PRR36: variants seen among roughly 807,000 people sequenced by gnomAD.
The protein encoded by PRR36 is proline rich 36, also known as proline-rich protein 36.
PRR36 carries 30 observed loss-of-function variants against 58.6 expected under a neutral mutation model. The observed-to-expected ratio is 0.51, with a 90% CI of 0.38 to 0.69. The LOEUF (loss-of-function observed/expected upper bound fraction) is 0.69, where lower values mean the gene tolerates loss of function less well. Ranked by LOEUF, PRR36 falls within the 30% of genes least tolerant of loss-of-function variation. The probability of loss-of-function intolerance (pLI) is 0.00; values close to 1 mark genes in which losing one functional copy is unlikely to be tolerated. For synonymous variants in PRR36, 771 were observed against 829.3 expected, an observed-to-expected ratio of 0.93 and a Z score of 1.21; for missense variants, 1,692 against 1,805.6, an observed-to-expected ratio of 0.94 and a Z score of 1.14.
In PRR36 at chr19:7,873,723, C is replaced by T. The variant is rs1980579999; in HGVS notation, c.-7-27G>A. 3 of 1,528,654 alleles carry T rather than the reference C, an allele frequency of 2.0e-6. No homozygotes were observed. Among genetic ancestry groups the T allele is most frequent in the Non-Finnish European group, 2.6e-6 (3 of 1,143,118 alleles). The allele number at this position is 1,528,654 out of a possible 1,614,324, so 94.7% of individuals were successfully genotyped here. A position where few individuals can be genotyped will look rare whatever the true frequency, so the allele number is the denominator to read the frequency against. On this transcript the variant is annotated intron_variant, in intron 1 of 5. Transcript: ENST00000618550. This position sits in a 1 kb window ranked among gnomAD's most constrained non-coding sequence, Gnocchi z 5.0. ...TGAAGAGACAAACCGGTCCGCATCCCAGGTTCTGGACAGCTACGCCGCCTC... is the reference window on the plus strand; with the variant it reads ...TGAAGAGACAAACCGGTCCGCATCCTAGGTTCTGGACAGCTACGCCGCCTC...
rs1489438993 is a variant in PRR36, at chr19:7,873,520, G to T, written c.170C>A (p.Pro57His). 1.3e-6 allele frequency: 2 copies of T among 1,535,444 alleles called. No homozygotes were observed. The highest frequency in any genetic ancestry group is 1.7e-6 in the Non-Finnish European group (2 of 1,146,826). ...GATGCCCCCCGCTCGCTCTGCCAGA[G>T]GCTTTCGCCCCACTGCTCCCGCAGC... Reference protein sequence around the residue: ...LGAAGAVGRKPLAERAGGIGG... With the variant: ...LGAAGAVGRKHLAERAGGIGG... Residue 57 changes from proline to histidine, a missense_variant, in exon 2 of 6, where the codon CCT becomes CAT. By Grantham distance (77) the Pro-to-His change is moderately conservative. Around this residue, in one of 5 missense-constraint regions of PRR36, gnomAD observed 975 missense variants for 955.2 expected, o/e 1.02. Coordinates refer to ENST00000618550, the MANE Select transcript of PRR36 (RefSeq NM_001190467.2). The surrounding 1 kb of genome is among the most constrained non-coding windows in gnomAD (Gnocchi z 5.0).
chr19:7,873,307 G>C lies in PRR36; in HGVS notation c.272-8C>G, dbSNP rs766922514. On this transcript the variant is annotated splice_region_variant and splice_polypyrimidine_tract_variant and intron_variant, in intron 2 of 5. Transcript: ENST00000618550. The surrounding 1 kb of genome is among the most constrained non-coding windows in gnomAD (Gnocchi z 5.0). The stretch of plus-strand genomic sequence containing the variant: ...AGGCTGGGGGCCTGGAGGCTGCGGG[G>C]AGAAGGCCGAGTCACAGGTGCCCCG... 2.0e-6 allele frequency: 3 copies of C among 1,530,328 alleles called. No individual in the cohort carries two copies. The South Asian group carries it at 3.6e-5, about 18-fold the overall frequency. The allele number at this position is 1,530,328 out of a possible 1,614,324, so 94.8% of individuals were successfully genotyped here.
chr19:7,869,549 G>T lies in PRR36; in HGVS notation c.3530-5C>A. Reference sequence around the variant, plus strand: ...GAGGCCACGGCAGGGGCGCACCTGCGGGGAGAGACGCCAGGTGGGCCGTGG... The same window carrying T: ...GAGGCCACGGCAGGGGCGCACCTGCTGGGAGAGACGCCAGGTGGGCCGTGG... On this transcript the variant is annotated splice_polypyrimidine_tract_variant and splice_region_variant and intron_variant, in intron 5 of 5. Transcript: ENST00000618550. The T allele has an allele frequency of 1.3e-6, 2 of 1,516,932 alleles. No homozygotes were observed. Among genetic ancestry groups the T allele is most frequent in the Non-Finnish European group, 1.8e-6 (2 of 1,138,608 alleles). The allele number at this position is 1,516,932 out of a possible 1,614,324, so 94.0% of individuals were successfully genotyped here. A position where few individuals can be genotyped will look rare whatever the true frequency, so the allele number is the denominator to read the frequency against.
chr19:7,871,161 C>T lies in PRR36; in HGVS notation c.2083G>A (p.Ala695Thr). Residue 695 changes from alanine (A) to threonine (T), a missense_variant, in exon 5 of 6, where the codon GCC becomes ACC. Ala to Thr is a moderately conservative substitution (Grantham distance 58). Coordinates refer to ENST00000618550, the MANE Select transcript of PRR36 (RefSeq NM_001190467.2). The part of the protein sequence containing the change: ...IHPLQALSSL[A>T]SHSPQAPLSS... ...AGAGGTGCCTGAGGAGAGTGGGAGGCCAGAGAAGATAGCGCCTGCAGAGGG... is the reference window on the plus strand; with the variant it reads ...AGAGGTGCCTGAGGAGAGTGGGAGGTCAGAGAAGATAGCGCCTGCAGAGGG... The T allele has an allele frequency of 6.5e-7, 1 of 1,533,086 alleles. No homozygotes were observed. Among genetic ancestry groups the T allele is most frequent in the Non-Finnish European group, 8.7e-7 (1 of 1,146,266 alleles). The allele number at this position is 1,533,086 out of a possible 1,614,324, so 95.0% of individuals were successfully genotyped here.
At position 7,872,803 on chromosome 19, in the gene PRR36, G is replaced by C. The variant is rs1168081489; in HGVS notation, c.487+46C>G. Reference sequence around the variant, plus strand: ...AAGGGTCACCGATACCTCTGAGGCGGCTCCCCTTGCTGCCCAGGAACCCCA... The same window carrying C: ...AAGGGTCACCGATACCTCTGAGGCGCCTCCCCTTGCTGCCCAGGAACCCCA... On this transcript the variant is annotated intron_variant, in intron 4 of 5. Coordinates refer to ENST00000618550, the MANE Select transcript of PRR36 (RefSeq NM_001190467.2). This position sits in a 1 kb window ranked among gnomAD's most constrained non-coding sequence, Gnocchi z 6.1. 14 of 1,528,210 alleles carry C rather than the reference G, an allele frequency of 9.2e-6. No individual in the cohort carries two copies. Among genetic ancestry groups the C allele is most frequent in the Non-Finnish European group, 1.2e-5 (14 of 1,142,900 alleles). The allele number at this position is 1,528,210 out of a possible 1,614,324, so 94.7% of individuals were successfully genotyped here. A position where few individuals can be genotyped will look rare whatever the true frequency, so the allele number is the denominator to read the frequency against.
chr19:7,872,374 C>A lies in PRR36; in HGVS notation c.870G>T (p.Lys290Asn). The A allele has an allele frequency of 6.9e-7, 1 of 1,449,436 alleles. No individual in the cohort carries two copies. Among genetic ancestry groups the A allele is most frequent in the Non-Finnish European group, 9.0e-7 (1 of 1,107,110 alleles). 89.8% of individuals were successfully genotyped at this position (1,449,436 alleles called of 1,614,324 possible). ...LRPPQVTPPRKDAAPALGPLS... is the reference protein window; with the variant it reads ...LRPPQVTPPRNDAAPALGPLS... ...GCGGTCCTAGTGCTGGGGCTGCGTC[C>A]TTCCTTGGGGGTGTGACCTGAGGGG... is the stretch of plus-strand genomic sequence containing the variant. The change falls in exon 5 of 6, where the codon AAG (lysine) becomes AAT (asparagine). Residue 290 changes from lysine (K) to asparagine (N), a missense_variant. Physicochemically the swap from Lys to Asn is moderately conservative, Grantham distance 94. This residue lies in a region of PRR36 where 975 missense variants were observed against 955.2 expected (regional missense o/e 1.02). Coordinates refer to ENST00000618550, the MANE Select transcript of PRR36 (RefSeq NM_001190467.2). The surrounding 1 kb of genome is among the most constrained non-coding windows in gnomAD (Gnocchi z 6.1).
In PRR36 at chr19:7,873,185, G is replaced by A; in HGVS notation, c.374+12C>T. 6.5e-7 allele frequency: 1 copy of A among 1,534,906 alleles called. No homozygotes were observed. Among genetic ancestry groups the A allele is most frequent in the African/African-American group, 1.4e-5 (1 of 73,124 alleles). Reference sequence around the variant, plus strand: ...CCTGGCTTAGGAGACTGGGGGAGAGGGAGCAGGTTACCTGGTGGTCCCGCT... The same window carrying A: ...CCTGGCTTAGGAGACTGGGGGAGAGAGAGCAGGTTACCTGGTGGTCCCGCT... On this transcript the variant is annotated intron_variant, in intron 3 of 5. Coordinates refer to ENST00000618550, the MANE Select transcript of PRR36 (RefSeq NM_001190467.2). This position sits in a 1 kb window ranked among gnomAD's most constrained non-coding sequence, Gnocchi z 5.0.
rs1236859196 is a variant in PRR36 at position 7,873,959 on chromosome 19, G to T, written c.-7-263C>A. On this transcript the variant is annotated intron_variant, in intron 1 of 5. Coordinates refer to ENST00000618550, the MANE Select transcript of PRR36 (RefSeq NM_001190467.2). The surrounding 1 kb of genome is among the most constrained non-coding windows in gnomAD (Gnocchi z 5.0). ...CCCGCCCCAGCCCACCGCCTCCCCC[G>T]CCTCGGCTCCAATTCAGGACCGATC... 1.0e-4 allele frequency among the ~76,000 whole-genome samples: 5 copies of T among 49,256 alleles called. No individual in the cohort carries two copies. Among genetic ancestry groups the T allele is most frequent in the African/African-American group, 1.3e-4 (2 of 15,170 alleles). 32.3% of individuals were successfully genotyped at this position (49,256 alleles called of 152,430 possible). A position where few individuals can be genotyped will look rare whatever the true frequency, so the allele number is the denominator to read the frequency against.
Position 7,868,819 on chromosome 19 carries a change from G to C in PRR36, c.*214C>G. 1 of 531,020 alleles carries C rather than the reference G, an allele frequency of 1.9e-6. No individual in the cohort carries two copies. The highest frequency in any genetic ancestry group is 3.2e-6 in the Non-Finnish European group (1 of 309,898). 32.9% of individuals were successfully genotyped at this position (531,020 alleles called of 1,614,324 possible). ...ACTCGGGGAAACGGGGCGTGTCCTA[G>C]GCCAAAGGGGCGGAGCTCGAGGGGC... On this transcript the variant is annotated 3_prime_UTR_variant, in exon 6 of 6. Transcript: ENST00000618550.
At position 7,870,216 on chromosome 19, in the gene PRR36, C is replaced by A. The variant is rs549488032; in HGVS notation, c.3028G>T (p.Ala1010Ser). 3.0e-5 allele frequency: 43 copies of A among 1,420,622 alleles called. No homozygotes were observed. In the East Asian group the frequency reaches 1.0e-3, roughly 34 times the overall value. 88.0% of individuals were successfully genotyped at this position (1,420,622 alleles called of 1,614,324 possible). ...GGAGGTGTGGCCAGAGCAGGTGGGG[C>A]CTGTGGAGGGGGCTTAGCCAAAGGA... ...MSPLAKPPPQ[A>S]PPALATPPLQ... is the part of the protein sequence containing the mutation. Residue 1010 changes from alanine to serine, a missense_variant, in exon 5 of 6, where the codon GCC becomes TCC. Physicochemically the swap from Ala to Ser is moderately conservative, Grantham distance 99 (BLOSUM62 1). Coordinates refer to ENST00000618550, the MANE Select transcript of PRR36 (RefSeq NM_001190467.2).
Position 7,872,085 on chromosome 19 carries a change from G to T in PRR36, c.1159C>A (p.Pro387Thr). The T allele has an allele frequency of 6.5e-7, 1 of 1,535,004 alleles. No individual in the cohort carries two copies. The highest frequency in any genetic ancestry group is 8.7e-7 in the Non-Finnish European group (1 of 1,146,454). Residue 387 changes from proline to threonine, a missense_variant, in exon 5 of 6, where the codon CCC becomes ACC. Coordinates refer to ENST00000618550, the MANE Select transcript of PRR36 (RefSeq NM_001190467.2). The surrounding 1 kb of genome is among the most constrained non-coding windows in gnomAD (Gnocchi z 6.1). ...PSAPPSLQTL[P>T]SPPATPPSQV... Reference sequence around the variant, plus strand: ...GAGGGGGGCGTGGCTGGTGGAGAGGGGAGGGTCTGCAGAGAAGGTGGAGCA... The same window carrying T: ...GAGGGGGGCGTGGCTGGTGGAGAGGTGAGGGTCTGCAGAGAAGGTGGAGCA...
Position 7,871,912 on chromosome 19 carries a change from G to C in PRR36, c.1332C>G (p.Pro444=), listed in dbSNP as rs1031249896. ...MPPTQANPAL[P]SLPTLLSPLA... is the part of the protein sequence containing the mutation. ...AGGGAGAGAGGAGAGTCGGAAGAGAGGGCAACGCTGGATTAGCTTGGGTGG... is the reference window on the plus strand; with the variant it reads ...AGGGAGAGAGGAGAGTCGGAAGAGACGGCAACGCTGGATTAGCTTGGGTGG... The change falls in exon 5 of 6, where the codon CCC becomes CCG. Residue 444 remains proline (P), a synonymous_variant. Transcript: ENST00000618550. 3.9e-6 allele frequency: 6 copies of C among 1,535,928 alleles called. No individual in the cohort carries two copies. The highest frequency in any genetic ancestry group is 5.2e-6 in the Non-Finnish European group (6 of 1,146,878).
Position 7,869,307 on chromosome 19 carries a change from A to G in PRR36, c.3767T>C (p.Val1256Ala), listed in dbSNP as rs958755877. 1.7e-4 allele frequency: 239 copies of G among 1,435,430 alleles called. No individual in the cohort carries two copies. Among genetic ancestry groups the G allele is most frequent in the Non-Finnish European group, 2.1e-4 (235 of 1,104,096 alleles). The allele number at this position is 1,435,430 out of a possible 1,614,324, so 88.9% of individuals were successfully genotyped here. A position where few individuals can be genotyped will look rare whatever the true frequency, so the allele number is the denominator to read the frequency against. The change falls in exon 6 of 6, where the codon GTC becomes GCC. Residue 1256 changes from valine (V) to alanine (A), a missense_variant. By Grantham distance (64) the Val-to-Ala change is moderately conservative. Coordinates refer to ENST00000618550, the MANE Select transcript of PRR36 (RefSeq NM_001190467.2). ...ELPLGALQAS[V>A]VQHLLSRTLL... ...CGTCCGGCTCAGCAGGTGCTGCACG[A>G]CGCTCGCCTGCAGCGCCCCCAGTGG...
At position 7,870,419 on chromosome 19, in the gene PRR36, G is replaced by C. The variant is rs750591353; in HGVS notation, c.2825C>G (p.Ala942Gly). The C allele has an allele frequency of 4.4e-4, 255 of 583,600 alleles. 3 individuals carry two copies. In the African/African-American group the frequency reaches 8.2e-3, roughly 19 times the overall value. The allele number at this position is 583,600 out of a possible 1,614,324, so 36.2% of individuals were successfully genotyped here. A position where few individuals can be genotyped will look rare whatever the true frequency, so the allele number is the denominator to read the frequency against. The stretch of plus-strand genomic sequence containing the variant: ...GGGTGGGGCCTGTGGAGGGGGCGTG[G>C]CTGAAGGAGACATTGGGGGAGAGGC... ...PPASPPMSPS[A>G]TPPPQAPPPL... Residue 942 changes from alanine to glycine, a missense_variant, in exon 5 of 6, where the codon GCC (alanine) becomes GGC (glycine). Ala to Gly is a moderately conservative substitution (Grantham distance 60). Coordinates refer to ENST00000618550, the MANE Select transcript of PRR36 (RefSeq NM_001190467.2).
chr19:7,869,552 G>C lies in PRR36; in HGVS notation c.3530-8C>G, dbSNP rs2145064594. On this transcript the variant is annotated splice_polypyrimidine_tract_variant and splice_region_variant and intron_variant, in intron 5 of 5. Coordinates refer to ENST00000618550, the MANE Select transcript of PRR36 (RefSeq NM_001190467.2). ...GCCACGGCAGGGGCGCACCTGCGGGGAGAGACGCCAGGTGGGCCGTGGGGG... is the reference window on the plus strand; with the variant it reads ...GCCACGGCAGGGGCGCACCTGCGGGCAGAGACGCCAGGTGGGCCGTGGGGG... 1 of 1,517,134 alleles carries C rather than the reference G, an allele frequency of 6.6e-7. No individual in the cohort carries two copies. Among genetic ancestry groups the C allele is most frequent in the Admixed American group, 2.0e-5 (1 of 50,088 alleles). The allele number at this position is 1,517,134 out of a possible 1,614,324, so 94.0% of individuals were successfully genotyped here. A position where few individuals can be genotyped will look rare whatever the true frequency, so the allele number is the denominator to read the frequency against.
Position 7,871,637 on chromosome 19 carries a change from G to A in PRR36, c.1607C>T (p.Ser536Phe). 6.5e-7 allele frequency: 1 copy of A among 1,536,032 alleles called. No individual in the cohort carries two copies. ...LATLPLQASP[S>F]PLTTVSLQDP... ...CTGCAGAGAGACTGTGGTCAAAGGA[G>A]AGGGAGAGGCCTGCAGAGGCAATGT... Residue 536 changes from serine to phenylalanine, a missense_variant, in exon 5 of 6, where the codon TCT becomes TTT. Ser to Phe is a radical substitution (Grantham distance 155). Coordinates refer to ENST00000618550, the MANE Select transcript of PRR36 (RefSeq NM_001190467.2).
intron 5 of PRR36, 83 bp downstream of exon 5, chr19:7,869,631 CG>C: frequency 6.2e-6 from 9 of 1,446,296 alleles, no homozygotes; most frequent in Non-Finnish European, 8.2e-6. Context: ...AGCTCCGCCC[CG>C]GACCCAGCTG....
rs767520285 is a variant in PRR36, at chr19:7,871,880, G to A, written c.1364C>T (p.Thr455Ile). The A allele has an allele frequency of 9.1e-6, 14 of 1,535,890 alleles. No individual in the cohort carries two copies. In the South Asian group the frequency reaches 1.7e-4, roughly 18 times the overall value. The change falls in exon 5 of 6, where the codon ACA becomes ATA. Residue 455 changes from threonine to isoleucine, a missense_variant. Physicochemically the swap from Thr to Ile is moderately conservative, Grantham distance 89. This residue lies in a region of PRR36 where 975 missense variants were observed against 955.2 expected (regional missense o/e 1.02). Coordinates refer to ENST00000618550, the MANE Select transcript of PRR36 (RefSeq NM_001190467.2). ...AGGAGACATGGCTGACAGAGGAGGT[G>A]TGGCCAAGGGAGAGAGGAGAGTCGG... Reference protein sequence around the residue: ...SLPTLLSPLATPPLSAMSPLQ... With the variant: ...SLPTLLSPLAIPPLSAMSPLQ...
In PRR36 at chr19:7,873,180, G is replaced by GA. The variant is rs1980544483; in HGVS notation, c.374+16dup. On this transcript the variant is annotated intron_variant, in intron 3 of 5. Coordinates refer to ENST00000618550, the MANE Select transcript of PRR36 (RefSeq NM_001190467.2). The surrounding 1 kb of genome is among the most constrained non-coding windows in gnomAD (Gnocchi z 5.0). ...CTAACCCTGGCTTAGGAGACTGGGG[G>GA]AGAGGGAGCAGGTTACCTGGTGGTC... 6.5e-7 allele frequency: 1 copy of GA among 1,533,250 alleles called. No homozygotes were observed. Among genetic ancestry groups the GA allele is most frequent in the Non-Finnish European group, 8.7e-7 (1 of 1,144,306 alleles). 95.0% of individuals were successfully genotyped at this position (1,533,250 alleles called of 1,614,324 possible). A position where few individuals can be genotyped will look rare whatever the true frequency, so the allele number is the denominator to read the frequency against.
Sources: allele counts gnomAD v4.1 joint callset (sites outside exome capture counted in the v4.1 genomes callset), GRCh38; gene constraint gnomAD v4.1.1; regional missense constraint gnomAD v4.1.1; non-coding constraint Gnocchi (gnomAD v3.1); transcripts MANE v1.5; gene names NCBI Gene and HGNC (gene_info 2026-07-23, HGNC 2026-07-21).